Variants in GALNT7 observed in about 807,000 individuals in gnomAD.
GALNT7 encodes the protein polypeptide N-acetylgalactosaminyltransferase 7.
GALNT7 carries 60 observed loss-of-function variants against 82.1 expected under a neutral mutation model. That is an observed-to-expected ratio of 0.73 (90% confidence interval 0.59 to 0.91). GALNT7 has a LOEUF of 0.91. Among genes scored for constraint, GALNT7 ranks in the 40% least tolerant of loss-of-function variants. The probability of loss-of-function intolerance (pLI) is 0.00; values close to 1 mark genes in which losing one functional copy is unlikely to be tolerated. For synonymous variants in GALNT7, 243 were observed against 275.1 expected, an observed-to-expected ratio of 0.88 and a Z score of 1.15; for missense variants, 660 against 804.2, an observed-to-expected ratio of 0.82 and a Z score of 2.17.
intron 1 of GALNT7, among the ~76,000 whole-genome samples, chr4:173,221,740 G>C (rs1733651405): frequency 6.6e-6 from 1 of 152,174 alleles, no homozygotes; most frequent in Non-Finnish European, 1.5e-5. Flanking sequence ...GATATCTCCA[G>C]TTTTAACATT....
intron 1 of GALNT7, among the ~76,000 whole-genome samples, chr4:173,232,915 C>G (rs1734078711): frequency 6.6e-6 from 1 of 152,152 alleles, no homozygotes; most frequent in African/African-American, 2.4e-5. Flanking sequence ...TTCCCAGCCA[C>G]TGTTAGCCAT....
At chr4:173,294,078 T>C (rs1442281672) in intron 3 of GALNT7, among the ~76,000 whole-genome samples, 3 of 152,292 alleles carry the variant, frequency 2.0e-5, no homozygotes, top group East Asian at 3.9e-4. Context: ...CAGAAGGTAT[T>C]GGATGCACCA....
intron 8 of GALNT7, among the ~76,000 whole-genome samples, chr4:173,306,431 C>G (rs1737159349): frequency 6.6e-6 from 1 of 152,098 alleles, no homozygotes; most frequent in Admixed American, 6.5e-5. Context: ...GAGTGGGCAT[C>G]CTTGTCTTGT....
chr4:173,295,615 T>A, intron 4 of GALNT7, 89 bp downstream of exon 4: 1 of 1,359,550 alleles, frequency 7.4e-7, no homozygotes, highest in Non-Finnish European at 1.0e-6. Context: ...GTTTTTTTAA[T>A]TGAAATGAGA....
chr4:173,269,698 C>T (rs949659752), intron 2 of GALNT7, among the ~76,000 whole-genome samples: 9 of 152,064 alleles, frequency 5.9e-5, no homozygotes, highest in African/African-American at 2.2e-4. Context: ...TTCAGGAATA[C>T]TTAATAATTT....
chr4:173,262,459 T>C (rs1340273938), intron 2 of GALNT7, among the ~76,000 whole-genome samples: 1 of 152,170 alleles, frequency 6.6e-6, no homozygotes, highest in Non-Finnish European at 1.5e-5. Flanking sequence ...GAACAATACA[T>C]TTGTTAACAT....
At chr4:173,242,566 C>G (rs932807930) in intron 1 of GALNT7, among the ~76,000 whole-genome samples, 1 of 152,218 alleles carries the variant, frequency 6.6e-6, no homozygotes. Context: ...ATTCCTTGAC[C>G]ATGCCCAGCA....
At chr4:173,184,286 C>A (rs1230542877) in intron 1 of GALNT7, among the ~76,000 whole-genome samples, 1 of 152,076 alleles carries the variant, frequency 6.6e-6, no homozygotes, top group East Asian at 1.9e-4. Flanking sequence ...GAGATCACGC[C>A]ACTGCACTCC....
chr4:173,240,425 A>G (rs1044601031), intron 1 of GALNT7, among the ~76,000 whole-genome samples: 1 of 142,776 alleles, frequency 7.0e-6, no homozygotes, highest in Non-Finnish European at 1.5e-5. Flanking sequence ...CTGGAGTGCA[A>G]TGGCACAATC....
intron 1 of GALNT7, among the ~76,000 whole-genome samples, chr4:173,175,209 A>G (rs1032896620): frequency 6.6e-6 from 1 of 152,258 alleles, no homozygotes; most frequent in African/African-American, 2.4e-5. Context: ...ACAATCTGAA[A>G]AGTAACTAAA....
intron 1 of GALNT7, among the ~76,000 whole-genome samples, chr4:173,232,643 C>T (rs916137148): frequency 1.8e-4 from 28 of 152,118 alleles, no homozygotes; most frequent in Non-Finnish European, 3.7e-4. Flanking sequence ...TCTATGCTGC[C>T]GAGGCATGTC....
intron 1 of GALNT7, among the ~76,000 whole-genome samples, chr4:173,195,006 T>C (rs1732735685): frequency 6.6e-6 from 1 of 152,210 alleles, no homozygotes; most frequent in African/African-American, 2.4e-5. Context: ...AGTGAGTAAG[T>C]GACATATGTT....
intron 1 of GALNT7, among the ~76,000 whole-genome samples, chr4:173,196,619 G>C (rs1035319032): frequency 2.6e-5 from 4 of 152,066 alleles, no homozygotes; most frequent in African/African-American, 9.7e-5. Flanking sequence ...GTGTGCCATG[G>C]TGGTTTGCTG....
chr4:173,197,299 G>A (rs1251301336), intron 1 of GALNT7, among the ~76,000 whole-genome samples: 1 of 152,104 alleles, frequency 6.6e-6, no homozygotes, highest in East Asian at 1.9e-4. Context: ...CATTAAGAGG[G>A]TAGAGGGTAG....
At chr4:173,194,565 AGTT>A (rs1335787545) in intron 1 of GALNT7, among the ~76,000 whole-genome samples, 12 of 152,210 alleles carry the variant, frequency 7.9e-5, no homozygotes, top group Non-Finnish European at 2.9e-5. Context: ...GAATCTAAGC[AGTT>A]GTTTCAGAGG....
chr4:173,322,532 T>C lies in GALNT7; in HGVS notation c.*815T>C, dbSNP rs1024852458. 1 of 152,184 alleles carries C rather than the reference T, an allele frequency of 6.6e-6. No individual in the cohort carries two copies. The highest frequency in any genetic ancestry group is 2.4e-5 in the African/African-American group (1 of 41,440). The allele number at this position is 152,184 out of a possible 1,614,324, so 9.4% of individuals were successfully genotyped here. A position where few individuals can be genotyped will look rare whatever the true frequency, so the allele number is the denominator to read the frequency against. On this transcript the variant is annotated 3_prime_UTR_variant, in exon 12 of 12. Coordinates refer to ENST00000265000, the MANE Select transcript of GALNT7 (RefSeq NM_017423.3). The stretch of plus-strand genomic sequence containing the variant: ...CCTCTGTCCATACCTACTTCTAGGA[T>C]TGCAAAGGAGTCTTCCAACTAGAGA...
At chr4:173,273,513 G>T (rs1735799560) in intron 2 of GALNT7, among the ~76,000 whole-genome samples, 1 of 152,128 alleles carries the variant, frequency 6.6e-6, no homozygotes, top group Non-Finnish European at 1.5e-5. Context: ...TGAACAACTG[G>T]TTTGTTAAAC....
At chr4:173,174,918 G>A (rs62341098) in intron 1 of GALNT7, among the ~76,000 whole-genome samples, 1,806 of 152,338 alleles carry the variant, frequency 0.012, 20 homozygotes, top group Admixed American at 0.021. Context: ...GAGATAACGT[G>A]TGAGATACGA....
intron 1 of GALNT7, among the ~76,000 whole-genome samples, chr4:173,239,080 A>C (rs1175217086): frequency 2.0e-5 from 3 of 152,230 alleles, no homozygotes; most frequent in Admixed American, 2.0e-4. Context: ...AAGAGAACTA[A>C]GACTAACATC....
Sources: gnomAD v4.1 joint callset for allele counts (sites outside exome capture counted in the v4.1 genomes callset) on GRCh38, gnomAD v4.1.1 for gene constraint, MANE v1.5 for transcripts, NCBI Gene and HGNC (gene_info 2026-07-23, HGNC 2026-07-21) for gene names.